The following SOX6 variants were observed in gnomAD, a reference collection of about 807,000 sequenced individuals.
The protein encoded by SOX6 is SRY-box transcription factor 6, also known as transcription factor SOX-6.
SOX6 carries 11 observed loss-of-function variants against 97.8 expected under a neutral mutation model. The observed-to-expected ratio is 0.11, with a 90% CI of 0.07 to 0.19. SOX6 has a LOEUF of 0.19. SOX6 is among the 10% of genes least tolerant of loss of function. The pLI is 1.00. For synonymous variants in SOX6, 360 were observed against 371.4 expected (o/e 0.97, Z 0.35); for missense variants, 810 against 1,039.5 (o/e 0.78, Z 3.04).
At chr11:16,547,558 G>A (rs1847635833) in intron 4 of SOX6, among the ~76,000 whole-genome samples, 2 of 152,050 alleles carry the variant, frequency 1.3e-5, no homozygotes, top group African/African-American at 4.8e-5. Context: ...GACAAATACT[G>A]CATGTTCTCA....
chr11:16,525,269 G>A (rs369051739), intron 4 of SOX6, among the ~76,000 whole-genome samples: 4 of 151,862 alleles, frequency 2.6e-5, no homozygotes, highest in African/African-American at 7.3e-5. Context: ...GCATGGTACT[G>A]GTACCAAAAC....
Position 16,452,012 on chromosome 11 carries a change from A to AAATAAATT in SOX6, c.-5+24302_-5+24303insAATTTATT, listed in dbSNP as rs1554968282. 1.1e-3 allele frequency among the ~76,000 whole-genome samples: 153 copies of AAATAAATT among 142,204 alleles called. 2 individuals carry two copies. In the East Asian group the frequency reaches 0.029, roughly 27 times the overall value. The allele number at this position is 142,204 out of a possible 152,430, so 93.3% of individuals were successfully genotyped here. A position where few individuals can be genotyped will look rare whatever the true frequency, so the allele number is the denominator to read the frequency against. ...TAAATAAATAAATAAATAAATAAAT[A>AAATAAATT]AAATAAAATTTTAAAAAGCACGTTT... On this transcript the variant is annotated intron_variant, in intron 1 of 15. Coordinates refer to the SOX6 transcript ENST00000396356.
intron 4 of SOX6, among the ~76,000 whole-genome samples, chr11:16,590,057 C>T (rs1848132555): frequency 6.6e-6 from 1 of 152,164 alleles, no homozygotes; most frequent in South Asian, 2.1e-4. Context: ...AACTAAAAAT[C>T]AGCACTGCGT....
intron 2 of SOX6, among the ~76,000 whole-genome samples, chr11:16,326,796 G>A (rs962629788): frequency 6.6e-6 from 1 of 152,156 alleles, no homozygotes; most frequent in Admixed American, 6.6e-5. Context: ...GGAGCATCTG[G>A]GCTGGGTGGT....
chr11:16,283,087 T>TTCTATATATA, intron 3 of SOX6, among the ~76,000 whole-genome samples: 1 of 17,214 alleles, frequency 5.8e-5, no homozygotes, highest in Non-Finnish European at 1.4e-4. Flanking sequence ...TATATATAAT[T>TTCTATATATA]TGTATATATA....
intron 6 of SOX6, among the ~76,000 whole-genome samples, chr11:16,128,178 A>G (rs982388850): frequency 4.6e-5 from 7 of 152,204 alleles, no homozygotes; most frequent in Admixed American, 4.6e-4. Context: ...CTAGCATTTC[A>G]ACATATGTTC....
At position 16,341,272 on chromosome 11, in the gene SOX6, C is replaced by A; in HGVS notation, c.-4-20G>T. 3 of 1,611,532 alleles carry A rather than the reference C, an allele frequency of 1.9e-6. No individual in the cohort carries two copies. Among genetic ancestry groups the A allele is most frequent in the Non-Finnish European group, 2.5e-6 (3 of 1,178,584 alleles). On this transcript the variant is annotated intron_variant, in intron 1 of 15. Coordinates refer to ENST00000683767, the MANE Select transcript of SOX6 (RefSeq NM_001367873.1). ...ATTCTTCTGCAGAAAAAAAACAGAA[C>A]GGATTAAAAATGGCTGTCAATAACA...
At chr11:16,102,430 T>C (rs1452025086) in intron 7 of SOX6, among the ~76,000 whole-genome samples, 1 of 152,000 alleles carries the variant, frequency 6.6e-6, no homozygotes, top group Non-Finnish European at 1.5e-5. Context: ...GTAGGATCAA[T>C]ATTTTAAAAA....
At position 16,503,826 on chromosome 11, in the gene SOX6, C is replaced by T. The variant is rs187385976; in HGVS notation, n.610-27438G>A. On this transcript the variant is annotated intron_variant and non_coding_transcript_variant, in intron 4 of 5. Coordinates refer to the SOX6 transcript ENST00000524520. ...TTGGGAGGCCAAGGTGGGCAGATCA[C>T]GAGGTCAGGAGATTGAAACCATCCT... Among the ~76,000 whole-genome samples, 651 of 152,126 alleles carry T rather than the reference C, an allele frequency of 4.3e-3. 2 individuals are homozygous for T. Among genetic ancestry groups the T allele is most frequent in the Admixed American group, 6.9e-3 (106 of 15,272 alleles).
At chr11:16,733,281 T>C (rs1395722566) in intron 2 of SOX6, among the ~76,000 whole-genome samples, 2 of 152,218 alleles carry the variant, frequency 1.3e-5, no homozygotes, top group East Asian at 3.8e-4. Context: ...TGCACATGTA[T>C]GTTTATTGGA....
intron 1 of SOX6, among the ~76,000 whole-genome samples, chr11:16,433,284 G>T (rs1024946711): frequency 6.6e-6 from 1 of 151,882 alleles, no homozygotes. Context: ...AAAAAATGAC[G>T]AAGCCCTTCC....
intron 9 of SOX6, among the ~76,000 whole-genome samples, chr11:16,056,791 T>C (rs1659056385): frequency 6.6e-6 from 1 of 152,168 alleles, no homozygotes; most frequent in South Asian, 2.1e-4. Flanking sequence ...CAATCTGACA[T>C]TACAAATCTT....
intron 4 of SOX6, among the ~76,000 whole-genome samples, chr11:16,592,602 AT>A (rs1304830464): frequency 1.3e-5 from 2 of 152,092 alleles, no homozygotes; most frequent in East Asian, 3.8e-4. Flanking sequence ...ATAAAATCAT[AT>A]TTGTCTTTTA....
intron 4 of SOX6, among the ~76,000 whole-genome samples, chr11:16,608,608 A>G (rs1848363008): frequency 6.6e-6 from 1 of 152,162 alleles, no homozygotes; most frequent in Non-Finnish European, 1.5e-5. Flanking sequence ...TGAAAAAAAA[A>G]AAAGAAAAAG....
chr11:16,577,325 A>G (rs914896642), intron 4 of SOX6, among the ~76,000 whole-genome samples: 11 of 152,188 alleles, frequency 7.2e-5, no homozygotes, highest in Non-Finnish European at 1.3e-4. Context: ...TTAAGTATGT[A>G]TTGCTTTTCA....
At chr11:16,340,870 C>T in intron 2 of SOX6, 142 bp downstream of exon 2, 1 of 1,172,238 alleles carries the variant, frequency 8.5e-7, no homozygotes, top group Non-Finnish European at 1.2e-6. Flanking sequence ...TTATTAGTAT[C>T]TTAGTAATAT....
intron 1 of SOX6, among the ~76,000 whole-genome samples, chr11:16,373,173 C>T (rs1012384781): frequency 4.6e-5 from 7 of 152,044 alleles, no homozygotes; most frequent in African/African-American, 7.2e-5. Flanking sequence ...ACTGTGGTTA[C>T]GGCAAAACTA....
chr11:16,363,119 A>G (rs1046922572), intron 1 of SOX6, among the ~76,000 whole-genome samples: 2 of 152,180 alleles, frequency 1.3e-5, no homozygotes, highest in Non-Finnish European at 2.9e-5. Flanking sequence ...TTCTAAGTCA[A>G]ATTAAACCAC....
chr11:15,994,754 C>T (rs1854172256), intron 13 of SOX6, among the ~76,000 whole-genome samples: 1 of 151,894 alleles, frequency 6.6e-6, no homozygotes, highest in African/African-American at 2.4e-5. Context: ...AATATTGGCG[C>T]AAAAGGTTCT....
Sources: gnomAD v4.1 joint callset for allele counts (sites outside exome capture counted in the v4.1 genomes callset) on GRCh38, gnomAD v4.1.1 for gene constraint, MANE v1.5 for transcripts, NCBI Gene and HGNC (gene_info 2026-07-23, HGNC 2026-07-21) for gene names.